MAP2K5: variants seen among roughly 807,000 people sequenced by gnomAD.
MAP2K5 encodes the protein dual specificity mitogen-activated protein kinase kinase 5.
A neutral mutation model predicts 83.1 loss-of-function variants in MAP2K5; 49 were observed. The ratio of observed to expected loss-of-function variants is 0.59; its 90% CI spans 0.47 to 0.75. MAP2K5 has a LOEUF of 0.75. MAP2K5 is among the 30% of genes least tolerant of loss of function. The pLI, the probability that MAP2K5 is intolerant of heterozygous loss-of-function variation, is 0.00. For missense variants in MAP2K5, 457 were observed against 557.5 expected, an observed-to-expected ratio of 0.82 and a Z score of 1.82; for synonymous variants, 202 against 191.8, an observed-to-expected ratio of 1.05 and a Z score of -0.44.
intron 17 of MAP2K5, among the ~76,000 whole-genome samples, chr15:67,730,227 T>G (rs1010221287): frequency 6.6e-6 from 1 of 152,148 alleles, no homozygotes; most frequent in Non-Finnish European, 1.5e-5. Flanking sequence ...CCCTCCCTTA[T>G]GCCCTCAAAA....
chr15:67,773,022 C>G (rs1260583405), intron 21 of MAP2K5, among the ~76,000 whole-genome samples: 1 of 152,142 alleles, frequency 6.6e-6, no homozygotes, highest in Non-Finnish European at 1.5e-5. Context: ...ACTCTTTATC[C>G]TCATTTGCTA....
intron 21 of MAP2K5, among the ~76,000 whole-genome samples, chr15:67,791,545 C>G (rs1014119048): frequency 6.6e-6 from 1 of 152,192 alleles, no homozygotes; most frequent in Non-Finnish European, 1.5e-5. Context: ...CTAGTGAGCA[C>G]CTGGCACAGG....
rs1413556346 is a variant in MAP2K5, at chr15:67,760,269, T to C, written c.1135-9333T>C. On this transcript the variant is annotated intron_variant, in intron 19 of 21. Coordinates refer to ENST00000178640, the MANE Select transcript of MAP2K5 (RefSeq NM_145160.3). This position sits in a 1 kb window ranked among gnomAD's most constrained non-coding sequence, Gnocchi z 4.1. ...TATAATTATATTTAATTCATATTTA[T>C]GAGTTGTCAGAAGGGAGGAGTAAGA... 6.6e-6 allele frequency among the ~76,000 whole-genome samples: 1 copy of C among 152,336 alleles called. No individual in the cohort carries two copies. Among genetic ancestry groups the C allele is most frequent in the Admixed American group, 6.5e-5 (1 of 15,306 alleles).
rs772148897 is a variant in MAP2K5 at position 67,781,332 on chromosome 15, G to C, written c.1242+8580G>C. 6.6e-6 allele frequency among the ~76,000 whole-genome samples: 1 copy of C among 152,294 alleles called. No individual in the cohort carries two copies. The highest frequency in any genetic ancestry group is 1.5e-5 in the Non-Finnish European group (1 of 68,022). ...CTCCTATTTACAGTTGTGCCAGCTG[G>C]ATTTGTTTAATGGGTTGTTTGCTTT... On this transcript the variant is annotated intron_variant, in intron 21 of 21. Coordinates refer to ENST00000178640, the MANE Select transcript of MAP2K5 (RefSeq NM_145160.3). The surrounding 1 kb of genome is among the most constrained non-coding windows in gnomAD (Gnocchi z 4.0).
At position 67,617,887 on chromosome 15, in the gene MAP2K5, A is replaced by C. The variant is rs147393936; in HGVS notation, c.546-13001A>C. 6.2e-3 allele frequency among the ~76,000 whole-genome samples: 949 copies of C among 152,142 alleles called. 3 individuals are homozygous for C. Among genetic ancestry groups the C allele is most frequent in the South Asian group, 0.015 (73 of 4,822 alleles). On this transcript the variant is annotated intron_variant, in intron 8 of 21. Coordinates refer to ENST00000178640, the MANE Select transcript of MAP2K5 (RefSeq NM_145160.3). The stretch of plus-strand genomic sequence containing the variant: ...TTTAAATTTTTTGTTGAGATGAGGT[A>C]TCATCTATGTTGCCCAGGCTGGTCT...
intron 6 of MAP2K5, among the ~76,000 whole-genome samples, chr15:67,589,238 G>A (rs2085347958): frequency 6.6e-6 from 1 of 152,026 alleles, no homozygotes; most frequent in African/African-American, 2.4e-5. Context: ...CAGAGAAATT[G>A]CCAGGATACA....
rs965341657 is a variant in MAP2K5 at position 67,786,847 on chromosome 15, A to G, written c.1242+14095A>G. ...GTGTCTGGCATAAAATAAGTGTTCA[A>G]TAAATGGTAACCATTTTTATCGTCA... On this transcript the variant is annotated intron_variant, in intron 21 of 21. Coordinates refer to ENST00000178640, the MANE Select transcript of MAP2K5 (RefSeq NM_145160.3). The surrounding 1 kb of genome is among the most constrained non-coding windows in gnomAD (Gnocchi z 4.7). Among the ~76,000 whole-genome samples the G allele has an allele frequency of 3.3e-5, 5 of 152,256 alleles. No individual in the cohort carries two copies. The highest frequency in any genetic ancestry group is 6.5e-5 in the Admixed American group (1 of 15,292).
intron 16 of MAP2K5, among the ~76,000 whole-genome samples, chr15:67,727,236 C>G (rs1029559326): frequency 1.3e-5 from 2 of 152,148 alleles, no homozygotes; most frequent in African/African-American, 4.8e-5. Flanking sequence ...TATATCAAGC[C>G]TATTCCTGGT....
chr15:67,646,586 T>G lies in MAP2K5; in HGVS notation c.736+117T>G, dbSNP rs950547121. The G allele has an allele frequency of 9.0e-6, 5 of 554,644 alleles. No homozygotes were observed. In the Admixed American group the frequency reaches 1.1e-4, roughly 12 times the overall value. 34.4% of individuals were successfully genotyped at this position (554,644 alleles called of 1,614,324 possible). A position where few individuals can be genotyped will look rare whatever the true frequency, so the allele number is the denominator to read the frequency against. ...AAAGATAATAAAATATGCTAATAAT[T>G]ACCTCATTTATACTCTAAGATTATT... On this transcript the variant is annotated intron_variant, in intron 11 of 21. Coordinates refer to ENST00000178640, the MANE Select transcript of MAP2K5 (RefSeq NM_145160.3).
At chr15:67,685,981 G>A (rs896554292) in intron 13 of MAP2K5, among the ~76,000 whole-genome samples, 2 of 152,186 alleles carry the variant, frequency 1.3e-5, no homozygotes, top group Non-Finnish European at 2.9e-5. Context: ...ATCCACTTAT[G>A]ACTCTTTACA....
intron 13 of MAP2K5, among the ~76,000 whole-genome samples, chr15:67,682,252 C>T (rs2087834947): frequency 2.0e-5 from 3 of 150,184 alleles, no homozygotes; most frequent in Admixed American, 1.3e-4. Flanking sequence ...GAGTCTTGTT[C>T]TATTGCCACA....
At chr15:67,601,941 G>GT (rs1291094325) in intron 8 of MAP2K5, among the ~76,000 whole-genome samples, 1 of 152,230 alleles carries the variant, frequency 6.6e-6, no homozygotes, top group Non-Finnish European at 1.5e-5. Flanking sequence ...TGTTTGGATT[G>GT]TTTTTTCCTG....
intron 21 of MAP2K5, among the ~76,000 whole-genome samples, chr15:67,805,119 G>T (rs907517951): frequency 2.0e-5 from 3 of 152,190 alleles, no homozygotes; most frequent in African/African-American, 7.2e-5. Flanking sequence ...CAGTCTCAGC[G>T]GGTCCCTGCC....
In MAP2K5 at chr15:67,669,155, C is replaced by T. The variant is rs76632880; in HGVS notation, c.847+4510C>T. Among the ~76,000 whole-genome samples, 1,322 of 152,210 alleles carry T rather than the reference C, an allele frequency of 8.7e-3. 16 individuals carry two copies. The highest frequency in any genetic ancestry group is 0.03 in the African/African-American group (1,263 of 41,552). Reference sequence around the variant, plus strand: ...TATTTTATACCTACTACGTTCTAGGCGCTTTCACAGTACTTGAAACACATC... The same window carrying T: ...TATTTTATACCTACTACGTTCTAGGTGCTTTCACAGTACTTGAAACACATC... On this transcript the variant is annotated intron_variant, in intron 13 of 21. Coordinates refer to ENST00000178640, the MANE Select transcript of MAP2K5 (RefSeq NM_145160.3).
rs187760642 is a variant in MAP2K5, at chr15:67,806,736, C to G, written c.1333C>G (p.Gln445Glu). The G allele has an allele frequency of 1.8e-4, 272 of 1,553,758 alleles. 3 individuals carry two copies. The East Asian group carries it at 5.5e-3, about 31-fold the overall frequency. The change falls in exon 22 of 22, where the codon CAG becomes GAG. Residue 445 changes from glutamine (Q) to glutamate (E), a missense_variant. Gln to Glu is a conservative substitution (Grantham distance 29, BLOSUM62 2). This residue lies in a region of MAP2K5 where 55 missense variants were observed against 50.9 expected (regional missense o/e 1.08). Coordinates refer to ENST00000178640, the MANE Select transcript of MAP2K5 (RefSeq NM_145160.3). ...CRALEERRSQ[Q>E]GPP ...GGCGCTGGAGGAGAGGCGGAGCCAGCAGGGGCCCCCGTGAGGCTGCCGCAG... is the reference window on the plus strand; with the variant it reads ...GGCGCTGGAGGAGAGGCGGAGCCAGGAGGGGCCCCCGTGAGGCTGCCGCAG...
At chr15:67,805,300 C>T (rs140872026) in intron 21 of MAP2K5, among the ~76,000 whole-genome samples, 70 of 152,224 alleles carry the variant, frequency 4.6e-4, no homozygotes, top group African/African-American at 1.5e-3. Context: ...TAGGATGAGG[C>T]GGCCTGAGCA....
rs1055113742 is a variant in MAP2K5 at position 67,722,018 on chromosome 15, G to T, written c.1045-5898G>T. On this transcript the variant is annotated intron_variant, in intron 16 of 21. Transcript: ENST00000178640. The surrounding 1 kb of genome is among the most constrained non-coding windows in gnomAD (Gnocchi z 4.2). ...CTTTAATTAAAGTGAATTAGATTTT[G>T]ATTTTAATATATTTGCTGTAGTGAG... Among the ~76,000 whole-genome samples the T allele has an allele frequency of 1.3e-5, 2 of 152,140 alleles. No individual in the cohort carries two copies. The highest frequency in any genetic ancestry group is 4.8e-5 in the African/African-American group (2 of 41,440).
At chr15:67,574,774 G>T (rs1225773697) in intron 3 of MAP2K5, among the ~76,000 whole-genome samples, 1 of 152,016 alleles carries the variant, frequency 6.6e-6, no homozygotes, top group African/African-American at 2.4e-5. Flanking sequence ...GGCTGAGACA[G>T]GAGAATCATT....
At chr15:67,729,052 A>G (rs2089164971) in intron 17 of MAP2K5, among the ~76,000 whole-genome samples, 1 of 152,180 alleles carries the variant, frequency 6.6e-6, no homozygotes, top group African/African-American at 2.4e-5. Context: ...TCAAATTCAT[A>G]GACTTTTTTG....
Sources: gnomAD v4.1 joint callset for allele counts (sites outside exome capture counted in the v4.1 genomes callset) on GRCh38, gnomAD v4.1.1 for gene constraint, gnomAD v4.1.1 regional missense constraint, Gnocchi (gnomAD v3.1) non-coding constraint, MANE v1.5 for transcripts, NCBI Gene and HGNC (gene_info 2026-07-23, HGNC 2026-07-21) for gene names.